ROBO1: variants seen among roughly 807,000 people sequenced by gnomAD.
The protein encoded by ROBO1 is roundabout homolog 1.
In ROBO1, 149 loss-of-function variants were observed where a neutral mutation model predicts 195.9. That is an observed-to-expected ratio of 0.76 (90% CI 0.67 to 0.87). The LOEUF is 0.87. Among genes scored for constraint, ROBO1 ranks in the 40% least tolerant of loss-of-function variants. The probability of loss-of-function intolerance (pLI) is 0.00; values close to 1 mark genes in which losing one functional copy is unlikely to be tolerated. For synonymous variants in ROBO1, 816 were observed against 733.2 expected (o/e 1.11, Z -1.82); for missense variants, 1,933 against 2,068.3 (o/e 0.93, Z 1.27).
chr3:78,693,059 T>C (rs2081210474), intron 8 of ROBO1: 1 of 352,028 alleles, frequency 2.8e-6, no homozygotes, highest in South Asian at 6.7e-5. Flanking sequence ...TTAACCAAGA[T>C]GTAATCCTAT....
At chr3:79,188,397 C>G (rs1222560790) in intron 2 of ROBO1, among the ~76,000 whole-genome samples, 1 of 151,640 alleles carries the variant, frequency 6.6e-6, no homozygotes, top group Non-Finnish European at 1.5e-5. Flanking sequence ...AGTAATATAT[C>G]ATCAGGACAG....
intron 4 of ROBO1, among the ~76,000 whole-genome samples, chr3:78,868,436 AC>A: frequency 6.6e-6 from 1 of 152,270 alleles, no homozygotes; most frequent in Non-Finnish European, 1.5e-5. Context: ...TTAAATAATA[AC>A]AGAAATAAAT....
chr3:79,727,153 T>C (rs2107330015), intron 1 of ROBO1, among the ~76,000 whole-genome samples: 1 of 152,274 alleles, frequency 6.6e-6, no homozygotes, highest in East Asian at 1.9e-4. Flanking sequence ...CAAGGCCCAC[T>C]AGAGAATTAT....
At chr3:78,656,348 T>TTA (rs1429167025) in intron 18 of ROBO1, among the ~76,000 whole-genome samples, 12 of 48,376 alleles carry the variant, frequency 2.5e-4, no homozygotes, top group Admixed American at 7.9e-4. Flanking sequence ...TTATTTGATT[T>TTA]TTTTTTTTTT....
intron 2 of ROBO1, among the ~76,000 whole-genome samples, chr3:79,569,864 A>G (rs1943221875): frequency 6.6e-6 from 1 of 152,014 alleles, no homozygotes; most frequent in South Asian, 2.1e-4. Flanking sequence ...TTTTGGAGGC[A>G]AAGGAGAGAC....
chr3:79,467,579 G>A (rs543668251), intron 2 of ROBO1, among the ~76,000 whole-genome samples: 3 of 151,944 alleles, frequency 2.0e-5, no homozygotes, highest in South Asian at 2.1e-4. Flanking sequence ...TGGGACAGCC[G>A]AACTCCAGAG....
intron 2 of ROBO1, among the ~76,000 whole-genome samples, chr3:79,467,081 A>C (rs896573780): frequency 2.0e-5 from 3 of 152,158 alleles, no homozygotes; most frequent in African/African-American, 7.2e-5. Context: ...GTAATTCCCT[A>C]AAAGCAAATG....
rs114035431 is a variant in ROBO1 at position 79,366,577 on chromosome 3, C to T, written c.88+223247G>A. On this transcript the variant is annotated intron_variant, in intron 2 of 30. Transcript: ENST00000464233. ...TGTTTTATATGCCCTCCTTACTCAT[C>T]GCCTCTCTTTTCTTGGCTCTCTTGG... Among the ~76,000 whole-genome samples the T allele has an allele frequency of 4.1e-3, 626 of 152,212 alleles. 5 individuals are homozygous for T. Among genetic ancestry groups the T allele is most frequent in the Admixed American group, 0.012 (185 of 15,288 alleles).
chr3:79,030,386 G>T (rs571158165), intron 3 of ROBO1, among the ~76,000 whole-genome samples: 1 of 152,258 alleles, frequency 6.6e-6, no homozygotes. Flanking sequence ...CAAAGAATAA[G>T]CTTGCCCAAA....
At chr3:78,620,883 A>ATATGTGTGTGTGTG (rs368794312) in intron 26 of ROBO1, among the ~76,000 whole-genome samples, 2,188 of 144,650 alleles carry the variant, frequency 0.015, 39 homozygotes, top group African/African-American at 0.041. Flanking sequence ...ATATATATAT[A>ATATGTGTGTGTGTG]TGTGTGTGTG....
chr3:79,248,465 AGACT>A (rs1386828226), intron 2 of ROBO1, among the ~76,000 whole-genome samples: 5 of 152,052 alleles, frequency 3.3e-5, no homozygotes, highest in African/African-American at 1.2e-4. Flanking sequence ...GAAAAACAAA[AGACT>A]GACAGAAAGG....
rs145186389 is a variant in ROBO1 at position 79,496,387 on chromosome 3, C to CATTTTTTT, written c.88+93436_88+93437insAAAAAAAT. 9.7e-4 allele frequency among the ~76,000 whole-genome samples: 109 copies of CATTTTTTT among 112,580 alleles called. 10 individuals are homozygous for CATTTTTTT. Among genetic ancestry groups the CATTTTTTT allele is most frequent in the East Asian group, 2.1e-3 (8 of 3,752 alleles). 73.9% of individuals were successfully genotyped at this position (112,580 alleles called of 152,430 possible). A position where few individuals can be genotyped will look rare whatever the true frequency, so the allele number is the denominator to read the frequency against. ...TTTTGGTATAATGCTGCGCACCCAT[C>CATTTTTTT]TTTTTTTGAGACGGAGTCTCGCTCT... On this transcript the variant is annotated intron_variant, in intron 2 of 30. Coordinates refer to ENST00000464233, the MANE Select transcript of ROBO1 (RefSeq NM_002941.4).
chr3:79,496,562 T>G (rs905849870), intron 2 of ROBO1, among the ~76,000 whole-genome samples: 1 of 148,830 alleles, frequency 6.7e-6, no homozygotes, highest in Admixed American at 6.7e-5. Flanking sequence ...TTTTTGTATT[T>G]TTTTTTAGTA....
At chr3:79,300,273 G>T (rs2032843740) in intron 2 of ROBO1, among the ~76,000 whole-genome samples, 1 of 152,224 alleles carries the variant, frequency 6.6e-6, no homozygotes, top group South Asian at 2.1e-4. Context: ...GCCAGCTGGA[G>T]TTCCGGGTGG....
intron 1 of ROBO1, among the ~76,000 whole-genome samples, chr3:79,628,032 G>T (rs188652147): frequency 4.4e-4 from 67 of 152,248 alleles, no homozygotes; most frequent in Admixed American, 8.5e-4. Context: ...TTACACTGTT[G>T]GTGGGAACGT....
At chr3:79,646,277 G>C (rs1212443580) in intron 1 of ROBO1, among the ~76,000 whole-genome samples, 1 of 152,026 alleles carries the variant, frequency 6.6e-6, no homozygotes, top group East Asian at 1.9e-4. Flanking sequence ...CTCAAAAGAA[G>C]ACACACAAAT....
intron 1 of ROBO1, among the ~76,000 whole-genome samples, chr3:79,675,036 A>G (rs1946744731): frequency 6.6e-6 from 1 of 151,918 alleles, no homozygotes; most frequent in South Asian, 2.1e-4. Flanking sequence ...TCAATTCCAA[A>G]TATGTTTACA....
intron 4 of ROBO1, among the ~76,000 whole-genome samples, chr3:78,928,795 A>C (rs1467483964): frequency 6.6e-6 from 1 of 152,194 alleles, no homozygotes; most frequent in Admixed American, 6.5e-5. Context: ...TGAATTACAT[A>C]ATTAAAATGT....
intron 1 of ROBO1, among the ~76,000 whole-genome samples, chr3:79,742,944 T>G (rs770786019): frequency 1.3e-5 from 2 of 152,158 alleles, no homozygotes; most frequent in Non-Finnish European, 2.9e-5. Flanking sequence ...GGCAAGGGAA[T>G]TTTTAGGGTA....
Sources: allele counts gnomAD v4.1 joint callset (sites outside exome capture counted in the v4.1 genomes callset), GRCh38; gene constraint gnomAD v4.1.1; transcripts MANE v1.5; gene names NCBI Gene and HGNC (gene_info 2026-07-23, HGNC 2026-07-21).